Variants in NUP88 observed in about 807,000 individuals in gnomAD.
The protein encoded by NUP88 is nucleoporin 88.
Under a neutral mutation model 93.9 loss-of-function variants are expected in NUP88, and 57 were observed. The ratio of observed to expected loss-of-function variants is 0.61; its 90% CI spans 0.49 to 0.76. NUP88 has a LOEUF of 0.76. Ranked by LOEUF, NUP88 falls within the 30% of genes least tolerant of loss-of-function variation. The pLI is 0.00. For synonymous variants in NUP88, 346 were observed against 336.8 expected, an observed-to-expected ratio of 1.03 and a Z score of -0.30; for missense variants, 911 against 901.0, an observed-to-expected ratio of 1.01 and a Z score of -0.14.
intron 10 of NUP88, among the ~76,000 whole-genome samples, chr17:5,390,382 AAC>A (rs1299193247): frequency 6.6e-6 from 1 of 152,278 alleles, no homozygotes; most frequent in East Asian, 1.9e-4. Context: ...CAGTGTAAAT[AAC>A]ACAAAATTTA....
In NUP88 at chr17:5,419,597, A is replaced by T. The variant is rs761488461; in HGVS notation, c.54T>A (p.Leu18=). The change falls in exon 1 of 17, where the codon CTT becomes CTA. Residue 18 remains leucine, a synonymous_variant. Coordinates refer to ENST00000573584, the MANE Select transcript of NUP88 (RefSeq NM_002532.6). ...GCCGCAAGAACACGACGTGGTTAGG[A>T]AGCCAGGTCTGCCACAGCTCGCCGT... ...VGDGELWQTW[L]PNHVVFLRLR... is the part of the protein sequence containing the mutation. 1.2e-6 allele frequency: 2 copies of T among 1,604,568 alleles called. No homozygotes were observed. Among genetic ancestry groups the T allele is most frequent in the South Asian group, 2.2e-5 (2 of 90,988 alleles).
At chr17:5,404,334 C>T (rs1395047423) in intron 6 of NUP88, 88 bp from the exon 7 acceptor site, 32 of 1,395,420 alleles carry the variant, frequency 2.3e-5, no homozygotes, top group South Asian at 7.5e-5. Context: ...GGGTCAGGGC[C>T]GGGTGCGGCT....
At chr17:5,400,830 T>TA (rs1913116193) in intron 7 of NUP88, among the ~76,000 whole-genome samples, 1 of 152,228 alleles carries the variant, frequency 6.6e-6, no homozygotes, top group Non-Finnish European at 1.5e-5. Flanking sequence ...TATGTCTTCA[T>TA]AATGTTGACT....
intron 11 of NUP88, chr17:5,388,126 G>C (rs987311076): frequency 3.0e-5 from 10 of 331,644 alleles, no homozygotes; most frequent in African/African-American, 8.9e-5. Context: ...TCAGCCTCTC[G>C]AGTAGCTGGG....
chr17:5,404,011 A>G, intron 7 of NUP88, 88 bp downstream of exon 7: 2 of 1,351,032 alleles, frequency 1.5e-6, no homozygotes, highest in Non-Finnish European at 2.0e-6. Flanking sequence ...CTGGAACCAC[A>G]GAACAAATAC....
At chr17:5,408,993 AATG>A (rs1456539215) in intron 4 of NUP88, 84 bp from the exon 5 acceptor site, 2 of 1,188,648 alleles carry the variant, frequency 1.7e-6, no homozygotes, top group Non-Finnish European at 2.3e-6. Context: ...AAAAACACAA[AATG>A]TCTAATAACA....
chr17:5,393,057 A>G (rs1287971000), intron 9 of NUP88, among the ~76,000 whole-genome samples: 5 of 151,692 alleles, frequency 3.3e-5, no homozygotes, highest in Non-Finnish European at 7.4e-5. Context: ...GGGTCATACG[A>G]TTCTCCTGCC....
At chr17:5,390,349 G>C (rs1567565596) in intron 10 of NUP88, among the ~76,000 whole-genome samples, 1 of 151,970 alleles carries the variant, frequency 6.6e-6, no homozygotes, top group Non-Finnish European at 1.5e-5. Context: ...TTTTTGTTTG[G>C]TCTTGCTAGC....
chr17:5,396,221 T>C (rs1391532105), intron 8 of NUP88, among the ~76,000 whole-genome samples: 1 of 151,832 alleles, frequency 6.6e-6, no homozygotes. Flanking sequence ...AAAAAAAAAA[T>C]TGTATACCTA....
chr17:5,412,761 A>G (rs545251791), intron 3 of NUP88, among the ~76,000 whole-genome samples: 37 of 152,164 alleles, frequency 2.4e-4, no homozygotes, highest in African/African-American at 8.9e-4. Flanking sequence ...GATCAGGCAT[A>G]CTTCCCCATC....
intron 10 of NUP88, 101 bp downstream of exon 10, chr17:5,391,460 C>G: frequency 1.1e-6 from 1 of 878,020 alleles, no homozygotes; most frequent in Non-Finnish European, 1.9e-6. Flanking sequence ...AAAGTATAAA[C>G]CACACATGTA....
intron 7 of NUP88, among the ~76,000 whole-genome samples, chr17:5,400,852 T>C (rs949045567): frequency 1.3e-5 from 2 of 152,192 alleles, no homozygotes; most frequent in Non-Finnish European, 2.9e-5. Context: ...ACAGATAGTT[T>C]CAAAGGTTAT....
chr17:5,391,869 G>T (rs1912459175), intron 9 of NUP88, among the ~76,000 whole-genome samples: 1 of 152,202 alleles, frequency 6.6e-6, no homozygotes, highest in East Asian at 1.9e-4. Flanking sequence ...AAGTCACTCA[G>T]GAATCCCTAA....
At position 5,386,072 on chromosome 17, in the gene NUP88, A is replaced by G. The variant is rs2144754351; in HGVS notation, c.*134T>C. On this transcript the variant is annotated 3_prime_UTR_variant, in exon 17 of 17. Coordinates refer to ENST00000573584, the MANE Select transcript of NUP88 (RefSeq NM_002532.6). The stretch of plus-strand genomic sequence containing the variant: ...ATTTACTCAATTATTATAAAACAAC[A>G]TATTTAAAAAGATGAACCACACCAA... The G allele has an allele frequency of 1.6e-6, 1 of 637,086 alleles. No homozygotes were observed. Among genetic ancestry groups the G allele is most frequent in the Non-Finnish European group, 2.7e-6 (1 of 364,998 alleles). 39.5% of individuals were successfully genotyped at this position (637,086 alleles called of 1,614,324 possible). A position where few individuals can be genotyped will look rare whatever the true frequency, so the allele number is the denominator to read the frequency against.
Position 5,386,872 on chromosome 17 carries a change from A to G in NUP88, c.2044-46T>C, listed in dbSNP as rs138649166. The G allele has an allele frequency of 1.3e-4, 200 of 1,583,016 alleles. 1 individual carries two copies. In the African/African-American group the frequency reaches 2.0e-3, roughly 16 times the overall value. On this transcript the variant is annotated intron_variant, in intron 15 of 16. Coordinates refer to ENST00000573584, the MANE Select transcript of NUP88 (RefSeq NM_002532.6). ...ATATTTTGGCAGTGGTTTGCCACAC[A>G]TTTTCACAGTATCTATTTGAATCTG... is the stretch of plus-strand genomic sequence containing the variant.
intron 7 of NUP88, among the ~76,000 whole-genome samples, chr17:5,401,203 G>A (rs530184648): frequency 6.6e-6 from 1 of 152,178 alleles, no homozygotes; most frequent in East Asian, 1.9e-4. Flanking sequence ...GACCAACATG[G>A]AGAAACCCCG....
Position 5,411,843 on chromosome 17 carries a change from A to G in NUP88, c.594-1054T>C, listed in dbSNP as rs143304413. 6.3e-3 allele frequency among the ~76,000 whole-genome samples: 956 copies of G among 152,304 alleles called. 7 individuals carry two copies. The highest frequency in any genetic ancestry group is 0.022 in the African/African-American group (899 of 41,554). On this transcript the variant is annotated intron_variant, in intron 3 of 16. Transcript: ENST00000573584. ...ACTTGGTTTCTTCCAATATCAATAAAATGCCACATTAAGTATTTAATAAAT... is the reference window on the plus strand; with the variant it reads ...ACTTGGTTTCTTCCAATATCAATAAGATGCCACATTAAGTATTTAATAAAT...
chr17:5,387,594 T>C lies in NUP88; in HGVS notation c.1835+11A>G, dbSNP rs758466188. On this transcript the variant is annotated intron_variant, in intron 13 of 16. Coordinates refer to ENST00000573584, the MANE Select transcript of NUP88 (RefSeq NM_002532.6). ...CTGACCTATTGTATTCTTCTTATTT[T>C]TGACACTTACCTCTCTTCTCGACAA... 10 of 1,611,328 alleles carry C rather than the reference T, an allele frequency of 6.2e-6. No homozygotes were observed. The highest frequency in any genetic ancestry group is 8.5e-6 in the Non-Finnish European group (10 of 1,177,882).
intron 11 of NUP88, chr17:5,388,452 A>ATT (rs112340061): frequency 2.2e-4 from 36 of 163,018 alleles, no homozygotes; most frequent in South Asian, 1.3e-3. Context: ...CACCCAGCTA[A>ATT]TTTTTTTTTG....
Sources: allele counts gnomAD v4.1 joint callset (sites outside exome capture counted in the v4.1 genomes callset), GRCh38; gene constraint gnomAD v4.1.1; transcripts MANE v1.5; gene names NCBI Gene and HGNC (gene_info 2026-07-23, HGNC 2026-07-21).